The following PHKA2 variants were observed in gnomAD, a reference collection of about 807,000 sequenced individuals.
PHKA2 encodes the protein phosphorylase kinase regulatory subunit alpha 2.
Under a neutral mutation model 102.0 loss-of-function variants are expected in PHKA2, and 31 were observed. That is an observed-to-expected ratio of 0.30 (90% CI 0.23 to 0.41). The LOEUF (loss-of-function observed/expected upper bound fraction) is 0.41. Ranked by LOEUF, PHKA2 falls within the 10% of genes least tolerant of loss-of-function variation. PHKA2 has a pLI of 1.00. For missense variants in PHKA2, 858 were observed against 1,023.1 expected (o/e 0.84, Z 2.20); for synonymous variants, 455 against 416.2 (o/e 1.09, Z -1.13).
At chrX:18,947,695 C>T (rs933812484) in intron 5 of PHKA2, among the ~76,000 whole-genome samples, 34 of 112,711 alleles carry the variant, frequency 3.0e-4, no homozygotes, top group Non-Finnish European at 3.7e-5. Flanking sequence ...AAAAAAGACA[C>T]TTGCACATGC....
rs2147916105 is a variant in PHKA2 at position 18,925,777 on chromosome X, C to T, written c.1460G>A (p.Gly487Glu). 2 of 1,141,213 alleles carry T rather than the reference C, an allele frequency of 1.8e-6. No homozygotes were observed. The highest frequency in any genetic ancestry group is 2.2e-5 in the Admixed American group (1 of 45,888). The allele number at this position is 1,141,213 out of a possible 1,213,427, so 94.0% of individuals were successfully genotyped here. The change falls in exon 15 of 33, where the codon GGA becomes GAA. Residue 487 changes from glycine to glutamate, a missense_variant and splice_region_variant. Coordinates refer to ENST00000379942, the MANE Select transcript of PHKA2 (RefSeq NM_000292.3). ...RILSHIYAKL[G>E]RNKNMNLSGR... ...ACTCAAATTCATATTCTTATTCCGT[C>T]CTGTTTGAGAAGTAAAAGATAAATT... is the stretch of plus-strand genomic sequence containing the variant.
At chrX:18,896,312 T>G (rs372988839) in intron 30 of PHKA2, 12 of 110,434 alleles carry the variant, frequency 1.1e-4, no homozygotes, top group Non-Finnish European at 1.7e-4. Flanking sequence ...AGGGAGACAC[T>G]GGGGGGGTAC....
At position 18,950,712 on chromosome X, in the gene PHKA2, G is replaced by A. The variant is rs190289519; in HGVS notation, c.454+392C>T. Among the ~76,000 whole-genome samples the A allele has an allele frequency of 1.1e-3, 120 of 112,973 alleles. 2 individuals carry two copies. Among genetic ancestry groups the A allele is most frequent in the Non-Finnish European group, 2.1e-4 (11 of 53,323 alleles). On this transcript the variant is annotated intron_variant, in intron 4 of 32. Transcript: ENST00000379942. ...TGTGGCCAATGTGATGGTATTAAGAGGTGGGGCCATAAGAGGCGATTAGGC... is the reference window on the plus strand; with the variant it reads ...TGTGGCCAATGTGATGGTATTAAGAAGTGGGGCCATAAGAGGCGATTAGGC...
intron 12 of PHKA2, among the ~76,000 whole-genome samples, chrX:18,930,851 G>C (rs2048302429): frequency 9.1e-6 from 1 of 110,329 alleles, no homozygotes; most frequent in Admixed American, 9.6e-5. Context: ...CAACACTCTA[G>C]GAACCCGGTG....
Position 18,910,655 on chromosome X carries a change from G to A in PHKA2, c.2226+217C>T, listed in dbSNP as rs759540281. 1.3e-4 allele frequency among the ~76,000 whole-genome samples: 15 copies of A among 111,977 alleles called. No homozygotes were observed. In the South Asian group the frequency reaches 5.2e-3, roughly 39 times the overall value. On this transcript the variant is annotated intron_variant, in intron 20 of 32. Coordinates refer to ENST00000379942, the MANE Select transcript of PHKA2 (RefSeq NM_000292.3). ...GCTTTTTCTACAGGCAAAATGTAAA[G>A]GTTTGCATCAAATTCAATGTACATA...
At chrX:18,965,569 G>T (rs1051906384) in intron 1 of PHKA2, among the ~76,000 whole-genome samples, 2 of 111,218 alleles carry the variant, frequency 1.8e-5, no homozygotes, top group Admixed American at 1.9e-4. Context: ...ACGAGTCCAT[G>T]AATCGCCTTT....
chrX:18,907,140 G>T, intron 22 of PHKA2, 43 bp from the exon 23 acceptor site: 1 of 979,798 alleles, frequency 1.0e-6, no homozygotes, highest in Non-Finnish European at 1.4e-6. Context: ...GCGCGAGAGA[G>T]ATACTGGCAA....
chrX:18,918,645 G>C, intron 19 of PHKA2, 36 bp downstream of exon 19: 11 of 1,144,281 alleles, frequency 9.6e-6, no homozygotes, highest in Non-Finnish European at 1.3e-5. Flanking sequence ...GATAAAAGAA[G>C]GTATTTTAAC....
At position 18,978,023 on chromosome X, in the gene PHKA2, T is replaced by G. The variant is rs753640933; in HGVS notation, c.78+5832A>C. ...TAAAAATACAAAAATTAGCTGGGCATGATGGTGACTGTAATCCCAGGTACT... is the reference window on the plus strand; with the variant it reads ...TAAAAATACAAAAATTAGCTGGGCAGGATGGTGACTGTAATCCCAGGTACT... On this transcript the variant is annotated intron_variant, in intron 1 of 32. Transcript: ENST00000379942. Among the ~76,000 whole-genome samples the G allele has an allele frequency of 6.3e-5, 7 of 111,112 alleles. No individual in the cohort carries two copies. The South Asian group carries it at 2.7e-3, about 43-fold the overall frequency.
intron 19 of PHKA2, 114 bp from the exon 20 acceptor site, chrX:18,911,074 C>T (rs1267643553): frequency 7.0e-5 from 30 of 425,867 alleles, no homozygotes; most frequent in Non-Finnish European, 4.6e-5. Context: ...GGTGTGATCT[C>T]GCCTCACTGC....
Position 18,951,226 on chromosome X carries a change from C to A in PHKA2, c.332G>T (p.Ser111Ile). ...KFKHTQSTKD[S>I]LHAKYNTATC... is the part of the protein sequence containing the mutation. ...GGCGGTGTTGTACTTGGCGTGCAGG[C>A]TGTCCTTGGTGCTCTGAGTGTGTTT... The change falls in exon 4 of 33, where the codon AGC becomes ATC. Residue 111 changes from serine (S) to isoleucine (I), a missense_variant. Ser to Ile is a moderately radical substitution (Grantham distance 142). Transcript: ENST00000379942. 1 of 1,211,881 alleles carries A rather than the reference C, an allele frequency of 8.3e-7. No homozygotes were observed. The highest frequency in any genetic ancestry group is 1.1e-6 in the Non-Finnish European group (1 of 895,420).
At chrX:18,895,365 G>A (rs2047524684) in intron 30 of PHKA2, 174 bp from the exon 31 acceptor site, 1 of 499,947 alleles carries the variant, frequency 2.0e-6, no homozygotes, top group Non-Finnish European at 3.6e-6. Flanking sequence ...ACTGCCCACA[G>A]GCTGTGTTTT....
intron 5 of PHKA2, among the ~76,000 whole-genome samples, chrX:18,945,390 AATTTCTT>A (rs767399880): frequency 7.2e-5 from 8 of 111,716 alleles, no homozygotes; most frequent in Non-Finnish European, 1.3e-4. Flanking sequence ...AACACTCTCA[AATTTCTT>A]ATTTCTTATT....
intron 1 of PHKA2, among the ~76,000 whole-genome samples, chrX:18,966,266 AT>A (rs2048943225): frequency 9.3e-6 from 1 of 107,657 alleles, no homozygotes. Flanking sequence ...TTTTTTTTGT[AT>A]TTTTAGTAGA....
chrX:18,971,586 C>G (rs1006192476), intron 1 of PHKA2, among the ~76,000 whole-genome samples: 25 of 111,988 alleles, frequency 2.2e-4, no homozygotes, highest in African/African-American at 8.1e-4. Flanking sequence ...GCTATTTCAT[C>G]AAATTAAAAC....
Position 18,906,717 on chromosome X carries a change from T to TC in PHKA2, c.2676+18dup. On this transcript the variant is annotated intron_variant, in intron 24 of 32. Transcript: ENST00000379942. ...CTGAGGAAGGCTGTGGCCCGACCCC[T>TC]CCCACACCAGCCCCAGACCTGCGTG... 8.3e-7 allele frequency: 1 copy of TC among 1,203,159 alleles called. No individual in the cohort carries two copies. Among genetic ancestry groups the TC allele is most frequent in the South Asian group, 1.8e-5 (1 of 56,805 alleles).
rs140703161 is a variant in PHKA2 at position 18,924,438 on chromosome X, A to G, written c.1657T>C (p.Cys553Arg). ...GTGGGTCTGCCCGTCATCCTCCAGCAGGTGCACAGGTAGGCCAGCTCGATC... is the reference window on the plus strand; with the variant it reads ...GTGGGTCTGCCCGTCATCCTCCAGCGGGTGCACAGGTAGGCCAGCTCGATC... ...LRIELAYLCT[C>R]WRMTGRPTLT... The change falls in exon 16 of 33, where the codon TGC becomes CGC. Residue 553 changes from cysteine to arginine, a missense_variant. Cys to Arg is a radical substitution (Grantham distance 180). This residue lies in a region of PHKA2 where 671 missense variants were observed against 745.2 expected (regional missense o/e 0.90). Coordinates refer to ENST00000379942, the MANE Select transcript of PHKA2 (RefSeq NM_000292.3). The G allele has an allele frequency of 1.1e-4, 127 of 1,207,890 alleles. No homozygotes were observed. Among genetic ancestry groups the G allele is most frequent in the Non-Finnish European group, 1.4e-4 (124 of 893,531 alleles).
At chrX:18,925,324 C>G (rs1448318422) in intron 15 of PHKA2, among the ~76,000 whole-genome samples, 2 of 112,477 alleles carry the variant, frequency 1.8e-5, no homozygotes, top group African/African-American at 6.5e-5. Flanking sequence ...GAAAATCAGC[C>G]TGGCTGTGTG....
chrX:18,936,610 C>T (rs1418932899), intron 10 of PHKA2, among the ~76,000 whole-genome samples: 2 of 112,147 alleles, frequency 1.8e-5, no homozygotes, highest in Non-Finnish European at 3.8e-5. Context: ...AAGCAGTGTA[C>T]CCATTTCCAC....
Sources: allele counts gnomAD v4.1 joint callset (sites outside exome capture counted in the v4.1 genomes callset), GRCh38; gene constraint gnomAD v4.1.1; regional missense constraint gnomAD v4.1.1; transcripts MANE v1.5; gene names NCBI Gene and HGNC (gene_info 2026-07-23, HGNC 2026-07-21).